Variants in ZC3H18 observed in about 807,000 individuals in gnomAD.
ZC3H18 encodes zinc finger CCCH-type containing 18.
ZC3H18 carries 8 observed loss-of-function variants against 106.1 expected under a neutral mutation model. That is an observed-to-expected ratio of 0.08 (90% CI 0.04 to 0.14). The LOEUF is 0.14. ZC3H18 is among the 10% of genes least tolerant of loss of function. ZC3H18 has a pLI of 1.00. For missense variants in ZC3H18, 1,318 were observed against 1,278.4 expected, an observed-to-expected ratio of 1.03 and a Z score of -0.47; for synonymous variants, 635 against 522.1, an observed-to-expected ratio of 1.22 and a Z score of -2.95.
At chr16:88,576,314 T>C in intron 1 of ZC3H18, among the ~76,000 whole-genome samples, 1 of 152,050 alleles carries the variant, frequency 6.6e-6, no homozygotes, top group Non-Finnish European at 1.5e-5. Context: ...AGTGCTGAGA[T>C]TGTAGATGCG....
intron 2 of ZC3H18, among the ~76,000 whole-genome samples, chr16:88,586,044 C>T (rs1915412813): frequency 6.6e-6 from 1 of 152,018 alleles, no homozygotes; most frequent in South Asian, 2.1e-4. Context: ...TGGCTGTGCA[C>T]CCGAGTCCCT....
At chr16:88,609,976 T>A (rs62050308) in intron 7 of ZC3H18, among the ~76,000 whole-genome samples, 40,010 of 151,944 alleles carry the variant, frequency 0.26, 5,720 homozygotes, top group Middle Eastern at 0.38. Context: ...GTCTCCCTGC[T>A]CGGGCGTGTC....
At chr16:88,593,707 C>T (rs1443561043) in intron 3 of ZC3H18, among the ~76,000 whole-genome samples, 1 of 152,206 alleles carries the variant, frequency 6.6e-6, no homozygotes, top group Non-Finnish European at 1.5e-5. Context: ...GACTGGCAGA[C>T]ATGCCAGGGA....
chr16:88,572,993 G>A (rs934296498), intron 1 of ZC3H18, among the ~76,000 whole-genome samples: 10 of 152,006 alleles, frequency 6.6e-5, no homozygotes, highest in African/African-American at 1.7e-4. Flanking sequence ...TCCCAACCTC[G>A]TGATCCTCCC....
At chr16:88,607,449 A>T (rs1905066105) in intron 6 of ZC3H18, among the ~76,000 whole-genome samples, 2 of 152,182 alleles carry the variant, frequency 1.3e-5, no homozygotes, top group Admixed American at 6.5e-5. Context: ...TGTTAAATTT[A>T]TCAGTCAGTG....
Position 88,577,328 on chromosome 16 carries a change from G to C in ZC3H18, c.205G>C (p.Glu69Gln), listed in dbSNP as rs369582517. The C allele has an allele frequency of 1.2e-6, 2 of 1,609,298 alleles. No homozygotes were observed. Among genetic ancestry groups the C allele is most frequent in the Non-Finnish European group, 1.7e-6 (2 of 1,177,230 alleles). The change falls in exon 2 of 18, where the codon GAG becomes CAG. Residue 69 changes from glutamate (E) to glutamine (Q), a missense_variant. Physicochemically the swap from Glu to Gln is conservative, Grantham distance 29. This residue lies in a region of ZC3H18 where 346 missense variants were observed against 269.0 expected (regional missense o/e 1.29). Transcript: ENST00000301011. ...GGAGGAGGAAGATAATCACTCCGAC[G>C]AGGAGGACCGGGCAAGTGAGCCTAA... Reference protein sequence around the residue: ...SQEEEDNHSDEEDRASEPKSQ... With the variant: ...SQEEEDNHSDQEDRASEPKSQ...
At chr16:88,619,111 C>G (rs984087989) in intron 8 of ZC3H18, among the ~76,000 whole-genome samples, 1 of 152,166 alleles carries the variant, frequency 6.6e-6, no homozygotes, top group Non-Finnish European at 1.5e-5. Flanking sequence ...CTCAGCCTTG[C>G]TTTCTGCCGC....
intron 3 of ZC3H18, among the ~76,000 whole-genome samples, chr16:88,591,623 T>C (rs1915757343): frequency 6.6e-6 from 1 of 151,976 alleles, no homozygotes; most frequent in Admixed American, 6.5e-5. Context: ...AGCAGCTGCA[T>C]TGGGTGTTTC....
intron 3 of ZC3H18, among the ~76,000 whole-genome samples, chr16:88,596,288 A>G (rs1464097517): frequency 2.0e-5 from 3 of 152,208 alleles, no homozygotes; most frequent in Non-Finnish European, 4.4e-5. Flanking sequence ...AAAAATTTTC[A>G]TAAATACAGA....
At chr16:88,623,434 C>T in intron 10 of ZC3H18, 90 bp downstream of exon 10, 2 of 1,530,714 alleles carry the variant, frequency 1.3e-6, no homozygotes, top group East Asian at 2.3e-5. Flanking sequence ...GCCAGTAGCC[C>T]CTTGGGGTAT....
intron 6 of ZC3H18, among the ~76,000 whole-genome samples, chr16:88,607,345 C>CT (rs1305748479): frequency 6.6e-6 from 1 of 152,190 alleles, no homozygotes; most frequent in African/African-American, 2.4e-5. Context: ...CCAGGGTTTT[C>CT]TTGGCTGTTC....
chr16:88,600,089 A>G, intron 6 of ZC3H18, 141 bp downstream of exon 6: 1 of 1,094,510 alleles, frequency 9.1e-7, no homozygotes, highest in Non-Finnish European at 1.3e-6. Context: ...CGTTCCTGAG[A>G]GCATTCAGGC....
chr16:88,584,964 A>G (rs879813244), intron 2 of ZC3H18, among the ~76,000 whole-genome samples: 6 of 152,244 alleles, frequency 3.9e-5, no homozygotes, highest in Non-Finnish European at 8.8e-5. Context: ...TGTTTTTCTC[A>G]TGGGAACAAA....
chr16:88,622,110 T>C (rs1906001771), intron 8 of ZC3H18, 87 bp from the exon 9 acceptor site: 1 of 1,439,364 alleles, frequency 6.9e-7, no homozygotes, highest in African/African-American at 1.4e-5. Flanking sequence ...AGGTATGAGA[T>C]CCATAGTCTC....
intron 6 of ZC3H18, among the ~76,000 whole-genome samples, chr16:88,603,888 C>A (rs1057357805): frequency 6.6e-6 from 1 of 151,576 alleles, no homozygotes; most frequent in East Asian, 2.0e-4. Context: ...CGGCCTTGGC[C>A]TCCCAAAGTG....
At chr16:88,616,292 C>G (rs965851964) in intron 8 of ZC3H18, among the ~76,000 whole-genome samples, 3 of 152,254 alleles carry the variant, frequency 2.0e-5, no homozygotes, top group Non-Finnish European at 4.4e-5. Flanking sequence ...CCGAGCCGCT[C>G]TTCCCACCTG....
intron 3 of ZC3H18, among the ~76,000 whole-genome samples, chr16:88,589,855 A>C (rs1915639085): frequency 6.6e-6 from 1 of 152,242 alleles, no homozygotes; most frequent in Admixed American, 6.5e-5. Context: ...GGGGTGATGG[A>C]ATGTTCTAGA....
chr16:88,579,889 G>A (rs994554068), intron 2 of ZC3H18, among the ~76,000 whole-genome samples: 2 of 152,216 alleles, frequency 1.3e-5, no homozygotes, highest in Non-Finnish European at 2.9e-5. Context: ...GAGTGTGACT[G>A]GGCAGGGCGG....
chr16:88,617,204 G>A (rs1905666886), intron 8 of ZC3H18, among the ~76,000 whole-genome samples: 1 of 152,156 alleles, frequency 6.6e-6, no homozygotes, highest in Non-Finnish European at 1.5e-5. Flanking sequence ...TAAGCTGTTT[G>A]GCTCTGGGAG....
Sources: allele counts gnomAD v4.1 joint callset (sites outside exome capture counted in the v4.1 genomes callset), GRCh38; gene constraint gnomAD v4.1.1; regional missense constraint gnomAD v4.1.1; transcripts MANE v1.5; gene names NCBI Gene and HGNC (gene_info 2026-07-23, HGNC 2026-07-21).